BEGAIN: variants seen among roughly 807,000 people sequenced by gnomAD.
BEGAIN encodes brain enriched guanylate kinase associated.
Under a neutral mutation model 35.8 loss-of-function variants are expected in BEGAIN, and 19 were observed. That is an observed-to-expected ratio of 0.53 (90% confidence interval 0.37 to 0.78). The LOEUF is 0.78. Among genes scored for constraint, BEGAIN ranks in the 30% least tolerant of loss-of-function variants. The probability of loss-of-function intolerance (pLI) is 0.00; values close to 1 mark genes in which losing one functional copy is unlikely to be tolerated. For synonymous variants in BEGAIN, 462 were observed against 388.6 expected (o/e 1.19, Z -2.22); for missense variants, 795 against 853.6 (o/e 0.93, Z 0.85).
rs1025558361 is a variant in BEGAIN, at chr14:100,538,554, G to A, written c.1254C>T (p.Ser418=). Residue 418 remains serine (S), a synonymous_variant, in exon 7 of 7, where the codon AGC becomes AGT. Transcript: ENST00000554140. The part of the protein sequence containing the change: ...QQALMPPNLW[S]LRAKPGTARL... ...GGGCGGTCCCCGGCTTGGCCCGCAG[G>A]CTCCACAGGTTTGGGGGCATCAGGG... 2.0e-6 allele frequency: 3 copies of A among 1,521,064 alleles called. No individual in the cohort carries two copies. In the East Asian group the frequency reaches 7.0e-5, roughly 36 times the overall value. 94.2% of individuals were successfully genotyped at this position (1,521,064 alleles called of 1,614,324 possible). A position where few individuals can be genotyped will look rare whatever the true frequency, so the allele number is the denominator to read the frequency against.
chr14:100,551,360 C>T (rs969546927), intron 2 of BEGAIN, among the ~76,000 whole-genome samples: 7 of 152,314 alleles, frequency 4.6e-5, no homozygotes, highest in Admixed American at 3.3e-4. Context: ...GGCAGCCCTG[C>T]TCACCCTGCG....
intron 5 of BEGAIN, among the ~76,000 whole-genome samples, chr14:100,541,561 G>A (rs1486558202): frequency 6.6e-6 from 1 of 152,234 alleles, no homozygotes; most frequent in Non-Finnish European, 1.5e-5. Context: ...GGCCTCCTAG[G>A]AACAGAACAG....
chr14:100,538,375 T>G lies in BEGAIN; in HGVS notation c.1433A>C (p.Lys478Thr). ...YGGAGGSPGK[K>T]ADGRASPLYA... ...GAGCGGGCTGGCGCGGCCGTCGGCC[T>G]TCTTGCCCGGGCTGCCCCCGGCCCC... is the stretch of plus-strand genomic sequence containing the variant. The change falls in exon 7 of 7, where the codon AAG becomes ACG. Residue 478 changes from lysine to threonine, a missense_variant. Physicochemically the swap from Lys to Thr is moderately conservative, Grantham distance 78 (BLOSUM62 -1). Transcript: ENST00000554140. 2 of 1,516,676 alleles carry G rather than the reference T, an allele frequency of 1.3e-6. No individual in the cohort carries two copies. Among genetic ancestry groups the G allele is most frequent in the Non-Finnish European group, 1.8e-6 (2 of 1,139,394 alleles). The allele number at this position is 1,516,676 out of a possible 1,614,324, so 94.0% of individuals were successfully genotyped here.
chr14:100,578,341 C>A (rs1450083398), intron 1 of BEGAIN, among the ~76,000 whole-genome samples: 4 of 152,230 alleles, frequency 2.6e-5, no homozygotes, highest in Non-Finnish European at 5.9e-5. Context: ...GCACAGAGGA[C>A]AGGCAGTGGA....
intron 3 of BEGAIN, 131 bp downstream of exon 3, chr14:100,546,370 C>CA (rs1444262902): frequency 6.7e-6 from 1 of 150,066 alleles, no homozygotes; most frequent in Non-Finnish European, 1.3e-5. Flanking sequence ...CGGCCCTCGC[C>CA]CCGCCCCGGC....
intron 1 of BEGAIN, among the ~76,000 whole-genome samples, chr14:100,576,603 G>A (rs914749917): frequency 2.0e-5 from 3 of 152,174 alleles, no homozygotes; most frequent in Admixed American, 2.0e-4. Context: ...GGGAGAAGGT[G>A]GAACTGGGGC....
At chr14:100,539,849 T>G (rs2031306148) in intron 6 of BEGAIN, among the ~76,000 whole-genome samples, 1 of 151,908 alleles carries the variant, frequency 6.6e-6, no homozygotes, top group African/African-American at 2.4e-5. Flanking sequence ...TGGTGCCATG[T>G]GGGGGTGTCC....
At chr14:100,584,865 G>A (rs866702573) in intron 1 of BEGAIN, among the ~76,000 whole-genome samples, 4 of 152,054 alleles carry the variant, frequency 2.6e-5, no homozygotes, top group Admixed American at 6.6e-5. Flanking sequence ...AGAACCATGC[G>A]GGGTGATTCT....
chr14:100,544,133 T>C (rs560054769), intron 4 of BEGAIN, among the ~76,000 whole-genome samples, 168 bp from the exon 5 acceptor site: 1 of 152,164 alleles, frequency 6.6e-6, no homozygotes, highest in Non-Finnish European at 1.5e-5. Flanking sequence ...GTTCAATTCC[T>C]GGGTCCAACA....
At chr14:100,569,982 C>T (rs2035021748) in intron 1 of BEGAIN, among the ~76,000 whole-genome samples, 1 of 152,078 alleles carries the variant, frequency 6.6e-6, no homozygotes, top group Non-Finnish European at 1.5e-5. Flanking sequence ...GCCATGGAAG[C>T]CCCGGACCCC....
At chr14:100,579,762 C>G (rs1202195190) in intron 1 of BEGAIN, among the ~76,000 whole-genome samples, 1 of 152,198 alleles carries the variant, frequency 6.6e-6, no homozygotes, top group African/African-American at 2.4e-5. Flanking sequence ...CTCAGCCACC[C>G]AAGACAGGAA....
chr14:100,541,070 A>G (rs1764122968), intron 5 of BEGAIN, among the ~76,000 whole-genome samples: 1 of 152,184 alleles, frequency 6.6e-6, no homozygotes, highest in South Asian at 2.1e-4. Context: ...CCCTCTTCCC[A>G]GAGTGTGGTT....
In BEGAIN at chr14:100,538,367, C is replaced by A. The variant is rs751187384; in HGVS notation, c.1441G>T (p.Gly481Cys). The change falls in exon 7 of 7, where the codon GGC (glycine) becomes TGC (cysteine). Residue 481 changes from glycine to cysteine, a missense_variant. By Grantham distance (159) the Gly-to-Cys change is radical (BLOSUM62 -3). Transcript: ENST00000554140. ...AGGSPGKKAD[G>C]RASPLYASYK... The stretch of plus-strand genomic sequence containing the variant: ...CTGGCGTAGAGCGGGCTGGCGCGGC[C>A]GTCGGCCTTCTTGCCCGGGCTGCCC... The A allele has an allele frequency of 1.2e-5, 18 of 1,514,202 alleles. No individual in the cohort carries two copies. In the South Asian group the frequency reaches 1.8e-4, roughly 15 times the overall value. The allele number at this position is 1,514,202 out of a possible 1,614,324, so 93.8% of individuals were successfully genotyped here.
At chr14:100,580,050 A>G (rs1383317761) in intron 1 of BEGAIN, among the ~76,000 whole-genome samples, 1 of 152,212 alleles carries the variant, frequency 6.6e-6, no homozygotes. Context: ...CACGCCTGGA[A>G]TCCCAGCACT....
intron 1 of BEGAIN, among the ~76,000 whole-genome samples, chr14:100,576,336 C>T (rs984503545): frequency 6.6e-6 from 1 of 152,174 alleles, no homozygotes; most frequent in Non-Finnish European, 1.5e-5. Context: ...GGGCCCAACC[C>T]GGCTCCTCCA....
chr14:100,558,876 C>T lies in BEGAIN; in HGVS notation c.71+9035G>A, dbSNP rs1382358799. On this transcript the variant is annotated intron_variant, in intron 2 of 6. Coordinates refer to ENST00000554140, the MANE Select transcript of BEGAIN (RefSeq NM_001385089.1). This position sits in a 1 kb window ranked among gnomAD's most constrained non-coding sequence, Gnocchi z 4.6. ...TCCTTGAAACCAACGTCAGACCCATCCTTGGGGAGGTGGGCCATCGTGTGC... is the reference window on the plus strand; with the variant it reads ...TCCTTGAAACCAACGTCAGACCCATTCTTGGGGAGGTGGGCCATCGTGTGC... Among the ~76,000 whole-genome samples the T allele has an allele frequency of 6.6e-6, 1 of 152,192 alleles. No homozygotes were observed.
intron 1 of BEGAIN, among the ~76,000 whole-genome samples, chr14:100,579,325 G>T (rs535968989): frequency 1.3e-5 from 2 of 152,250 alleles, no homozygotes; most frequent in Admixed American, 6.5e-5. Flanking sequence ...TTTGGCACAT[G>T]GAGGCCTCGG....
intron 1 of BEGAIN, among the ~76,000 whole-genome samples, chr14:100,582,630 C>T (rs1401187730): frequency 2.0e-5 from 3 of 152,170 alleles, no homozygotes; most frequent in Middle Eastern, 6.3e-3. Flanking sequence ...CCCCAGTTCT[C>T]TTCCTCAGAT....
Position 100,568,100 on chromosome 14 carries a change from C to A in BEGAIN, c.43-161G>T, listed in dbSNP as rs2034870598. ...CCCCAGCTTCCAGTCCCGGCCGCGG[C>A]CCCCGTGACTCAGTGGGCGCGCCGG... On this transcript the variant is annotated intron_variant, in intron 1 of 6. Coordinates refer to ENST00000554140, the MANE Select transcript of BEGAIN (RefSeq NM_001385089.1). This position sits in a 1 kb window ranked among gnomAD's most constrained non-coding sequence, Gnocchi z 7.5. The A allele has an allele frequency of 1.9e-6, 2 of 1,040,166 alleles. No individual in the cohort carries two copies. Among genetic ancestry groups the A allele is most frequent in the Non-Finnish European group, 2.3e-6 (2 of 867,238 alleles). 64.4% of individuals were successfully genotyped at this position (1,040,166 alleles called of 1,614,324 possible).
Sources: gnomAD v4.1 joint callset for allele counts (sites outside exome capture counted in the v4.1 genomes callset) on GRCh38, gnomAD v4.1.1 for gene constraint, Gnocchi (gnomAD v3.1) non-coding constraint, MANE v1.5 for transcripts, NCBI Gene and HGNC (gene_info 2026-07-23, HGNC 2026-07-21) for gene names.